COLEC12: variants seen among roughly 807,000 people sequenced by gnomAD.
COLEC12 encodes collectin-12.
A neutral mutation model predicts 71.1 loss-of-function variants in COLEC12; 33 were observed. That is an observed-to-expected ratio of 0.46 (90% CI 0.35 to 0.62). The LOEUF is 0.62. COLEC12 is among the 20% of genes least tolerant of loss of function. The probability of loss-of-function intolerance (pLI) is 0.00; values close to 1 mark genes in which losing one functional copy is unlikely to be tolerated. For synonymous variants in COLEC12, 350 were observed against 353.0 expected (o/e 0.99, Z 0.10); for missense variants, 765 against 916.1 (o/e 0.84, Z 2.13).
chr18:375,212 A>G (rs1344852837), intron 2 of COLEC12, among the ~76,000 whole-genome samples: 1 of 152,106 alleles, frequency 6.6e-6, no homozygotes, highest in Non-Finnish European at 1.5e-5. Context: ...ATGAGGCCCT[A>G]CACTGTCTGC....
Position 347,124 on chromosome 18 carries a change from A to G in COLEC12, c.498T>C (p.Thr166=), listed in dbSNP as rs962208211. ...TLENNSFLIT[T]VNKTLQAYNG... is the part of the protein sequence containing the mutation. ...TATACGCCTGGAGGGTTTTGTTTAC[A>G]GTGGTGATGAGGAAAGAGTTATTCT... The change falls in exon 5 of 10, where the codon ACT becomes ACC. Residue 166 remains threonine, a synonymous_variant. Coordinates refer to ENST00000400256, the MANE Select transcript of COLEC12 (RefSeq NM_130386.3). 1 of 1,614,196 alleles carries G rather than the reference A, an allele frequency of 6.2e-7. No individual in the cohort carries two copies. The highest frequency in any genetic ancestry group is 8.5e-7 in the Non-Finnish European group (1 of 1,180,034).
intron 2 of COLEC12, among the ~76,000 whole-genome samples, chr18:472,678 C>CAAAAAAAAAA (rs765169609): frequency 6.4e-5 from 6 of 93,682 alleles, no homozygotes; most frequent in East Asian, 6.6e-4. Context: ...GGCCCTGTGA[C>CAAAAAAAAAA]AAAAAAAAAA....
At chr18:413,381 A>G (rs1190839005) in intron 2 of COLEC12, among the ~76,000 whole-genome samples, 4 of 152,232 alleles carry the variant, frequency 2.6e-5, no homozygotes, top group Non-Finnish European at 5.9e-5. Flanking sequence ...AAGCTAGATC[A>G]CTCATATGCT....
rs2143386760 is a variant in COLEC12, at chr18:317,488, T to G, written c.*2557A>C. ...GTGAAATGGGGAGTGTAGTAAGACC[T>G]GCTTCCTAGGGCTGTTGGGAGGATC... On this transcript the variant is annotated 3_prime_UTR_variant, in exon 10 of 10. Coordinates refer to ENST00000400256, the MANE Select transcript of COLEC12 (RefSeq NM_130386.3). 6.6e-6 allele frequency: 1 copy of G among 152,358 alleles called. No homozygotes were observed. The highest frequency in any genetic ancestry group is 6.5e-5 in the Admixed American group (1 of 15,294). 9.4% of individuals were successfully genotyped at this position (152,358 alleles called of 1,614,324 possible).
chr18:456,922 G>A (rs538583900), intron 2 of COLEC12, among the ~76,000 whole-genome samples: 5 of 152,252 alleles, frequency 3.3e-5, no homozygotes, highest in South Asian at 2.1e-4. Context: ...CCTGAGCCCC[G>A]TACTCTGTCT....
At chr18:494,692 A>G (rs907122557) in intron 1 of COLEC12, among the ~76,000 whole-genome samples, 1 of 152,270 alleles carries the variant, frequency 6.6e-6, no homozygotes, top group Non-Finnish European at 1.5e-5. Context: ...GCCTTTGAAT[A>G]ATAAATTGTT....
intron 2 of COLEC12, among the ~76,000 whole-genome samples, chr18:436,165 T>G (rs1054022649): frequency 6.6e-6 from 1 of 152,208 alleles, no homozygotes; most frequent in African/African-American, 2.4e-5. Flanking sequence ...TAGGCCCCAC[T>G]CTGCCAGGGA....
intron 2 of COLEC12, among the ~76,000 whole-genome samples, chr18:366,851 G>C (rs543933187): frequency 6.6e-6 from 1 of 152,314 alleles, no homozygotes; most frequent in South Asian, 2.1e-4. Flanking sequence ...GATGTCCTGG[G>C]AGAGGGGCAC....
rs201261891 is a variant in COLEC12 at position 348,054 on chromosome 18, T to A, written c.280+11A>T. On this transcript the variant is annotated intron_variant, in intron 4 of 9. Coordinates refer to ENST00000400256, the MANE Select transcript of COLEC12 (RefSeq NM_130386.3). The stretch of plus-strand genomic sequence containing the variant: ...CAGGGGATTTCATGGTTTAGTCTTG[T>A]CACAGATTACCTAATTTTTTCAGGT... 1.3e-6 allele frequency: 2 copies of A among 1,587,368 alleles called. No individual in the cohort carries two copies. The highest frequency in any genetic ancestry group is 1.7e-6 in the Non-Finnish European group (2 of 1,156,342).
intron 2 of COLEC12, among the ~76,000 whole-genome samples, chr18:476,206 C>T (rs573784080): frequency 6.6e-6 from 1 of 152,306 alleles, no homozygotes; most frequent in East Asian, 1.9e-4. Flanking sequence ...AACTCTCCCA[C>T]TTAGTTTTTA....
chr18:473,363 T>TCCAG (rs1200749597), intron 2 of COLEC12, among the ~76,000 whole-genome samples: 1 of 151,916 alleles, frequency 6.6e-6, no homozygotes, highest in Non-Finnish European at 1.5e-5. Flanking sequence ...AGCTCAAATC[T>TCCAG]CTTTTTTTTA....
chr18:435,208 T>C (rs183321948), intron 2 of COLEC12, among the ~76,000 whole-genome samples: 1 of 152,340 alleles, frequency 6.6e-6, no homozygotes, highest in East Asian at 1.9e-4. Flanking sequence ...GATAAGAAGT[T>C]GTATTAGTCC....
At chr18:394,583 T>C in intron 2 of COLEC12, among the ~76,000 whole-genome samples, 1 of 152,262 alleles carries the variant, frequency 6.6e-6, no homozygotes, top group East Asian at 1.9e-4. Context: ...CTTGAAGGTT[T>C]CCCATTTTTG....
intron 2 of COLEC12, among the ~76,000 whole-genome samples, chr18:412,778 C>T (rs1410301532): frequency 6.6e-6 from 1 of 152,028 alleles, no homozygotes; most frequent in Non-Finnish European, 1.5e-5. Context: ...ACACATAATC[C>T]AGCACCTAAA....
chr18:421,376 C>T (rs1035634245), intron 2 of COLEC12, among the ~76,000 whole-genome samples: 3 of 152,068 alleles, frequency 2.0e-5, no homozygotes, highest in African/African-American at 7.2e-5. Flanking sequence ...CGACACGGTG[C>T]TTTTATTTTT....
intron 3 of COLEC12, among the ~76,000 whole-genome samples, chr18:350,330 A>G (rs1248035471): frequency 6.6e-6 from 1 of 151,906 alleles, no homozygotes; most frequent in Non-Finnish European, 1.5e-5. Flanking sequence ...TTTGCCTCCC[A>G]CCATGATTCT....
intron 3 of COLEC12, among the ~76,000 whole-genome samples, chr18:351,841 C>T (rs892121417): frequency 6.6e-6 from 1 of 152,118 alleles, no homozygotes; most frequent in African/African-American, 2.4e-5. Flanking sequence ...CCCATTAACT[C>T]GTCAATTTTT....
At chr18:366,960 G>A (rs537228707) in intron 2 of COLEC12, among the ~76,000 whole-genome samples, 17 of 152,188 alleles carry the variant, frequency 1.1e-4, no homozygotes, top group Non-Finnish European at 1.6e-4. Flanking sequence ...CCTCAAACCC[G>A]CTGGAGGTAG....
At chr18:429,813 A>G (rs1916267049) in intron 2 of COLEC12, among the ~76,000 whole-genome samples, 1 of 152,210 alleles carries the variant, frequency 6.6e-6, no homozygotes, top group Admixed American at 6.5e-5. Context: ...ATGCAGCCCT[A>G]TGATCGTAAA....
Sources: gnomAD v4.1 joint callset for allele counts (sites outside exome capture counted in the v4.1 genomes callset) on GRCh38, gnomAD v4.1.1 for gene constraint, MANE v1.5 for transcripts, NCBI Gene and HGNC (gene_info 2026-07-23, HGNC 2026-07-21) for gene names.